CLSTN2: variants seen among roughly 807,000 people sequenced by gnomAD.
CLSTN2 encodes calsyntenin-2.
CLSTN2 carries 48 observed loss-of-function variants against 101.2 expected under a neutral mutation model. The observed-to-expected ratio is 0.47, with a 90% CI of 0.38 to 0.60. The LOEUF (loss-of-function observed/expected upper bound fraction) is 0.60. CLSTN2 is among the 20% of genes least tolerant of loss of function. The pLI, the probability that CLSTN2 is intolerant of heterozygous loss-of-function variation, is 0.00. For missense variants in CLSTN2, 1,160 were observed against 1,238.2 expected, an observed-to-expected ratio of 0.94 and a Z score of 0.95; for synonymous variants, 481 against 463.6, an observed-to-expected ratio of 1.04 and a Z score of -0.48.
At chr3:139,985,498 G>T (rs1002560719) in intron 1 of CLSTN2, among the ~76,000 whole-genome samples, 1 of 152,112 alleles carries the variant, frequency 6.6e-6, no homozygotes, top group Non-Finnish European at 1.5e-5. Context: ...CCTAGCTGGG[G>T]TGTCTATGGG....
In CLSTN2 at chr3:140,566,229, G is replaced by A. The variant is rs1388033949; in HGVS notation, c.2844G>A (p.Trp948Ter). The change falls in exon 17 of 17, where the codon TGG (tryptophan) becomes TGA (stop). Residue 948 changes from tryptophan (W) to a stop codon, truncating the protein, a stop_gained. Coordinates refer to ENST00000458420, the MANE Select transcript of CLSTN2 (RefSeq NM_022131.3). LOFTEE classifies it high-confidence loss of function. ...GAGCCAGGCAAGCCCAGCTGGAGTGGGATGACTCCACCCTCCCCTACTAGT... is the reference window on the plus strand; with the variant it reads ...GAGCCAGGCAAGCCCAGCTGGAGTGAGATGACTCCACCCTCCCCTACTAGT... ...QNGARQAQLEWDDSTLPY is the reference protein window; with the variant it reads ...QNGARQAQLE 4 of 1,578,960 alleles carry A rather than the reference G, an allele frequency of 2.5e-6. No individual in the cohort carries two copies. In the East Asian group the frequency reaches 9.2e-5, roughly 36 times the overall value.
chr3:140,218,030 A>G (rs1162202637), intron 2 of CLSTN2, among the ~76,000 whole-genome samples: 2 of 152,230 alleles, frequency 1.3e-5, no homozygotes, highest in Non-Finnish European at 2.9e-5. Context: ...ATGACCAGGC[A>G]TAGGACCCTG....
chr3:140,191,589 T>C (rs937819865), intron 2 of CLSTN2, among the ~76,000 whole-genome samples: 4 of 151,928 alleles, frequency 2.6e-5, no homozygotes, highest in African/African-American at 7.2e-5. Context: ...TACAGAGCTC[T>C]TCAATTCTCT....
chr3:140,191,828 G>A (rs1233525629), intron 2 of CLSTN2, among the ~76,000 whole-genome samples: 1 of 151,792 alleles, frequency 6.6e-6, no homozygotes, highest in Non-Finnish European at 1.5e-5. Context: ...CAAAGAAACA[G>A]CTTCTTATTT....
At chr3:140,228,701 C>G (rs1301437334) in intron 2 of CLSTN2, among the ~76,000 whole-genome samples, 1 of 152,156 alleles carries the variant, frequency 6.6e-6, no homozygotes, top group Admixed American at 6.6e-5. Context: ...CTGGGGGCCT[C>G]ACAATCATGG....
intron 10 of CLSTN2, among the ~76,000 whole-genome samples, chr3:140,547,430 C>T (rs895437574): frequency 1.3e-5 from 2 of 151,652 alleles, no homozygotes; most frequent in Admixed American, 1.3e-4. Context: ...GCTAAGATCG[C>T]ACCAATGCAC....
At chr3:140,402,255 T>A (rs1454875292) in intron 2 of CLSTN2, among the ~76,000 whole-genome samples, 2 of 152,188 alleles carry the variant, frequency 1.3e-5, no homozygotes, top group African/African-American at 2.4e-5. Context: ...AGGCAATCCA[T>A]GGAGTGGTTC....
intron 1 of CLSTN2, among the ~76,000 whole-genome samples, chr3:140,085,252 A>C (rs573934148): frequency 5.3e-5 from 8 of 152,328 alleles, no homozygotes; most frequent in Admixed American, 5.2e-4. Context: ...CACTGAAAGA[A>C]AGATGGTGGG....
intron 2 of CLSTN2, among the ~76,000 whole-genome samples, chr3:140,325,915 A>AGTCT (rs2087328124): frequency 6.6e-6 from 1 of 152,188 alleles, no homozygotes; most frequent in Non-Finnish European, 1.5e-5. Flanking sequence ...ACTGCTGGTG[A>AGTCT]GTCTACCCTT....
intron 16 of CLSTN2, among the ~76,000 whole-genome samples, chr3:140,564,665 C>A (rs1333585744): frequency 6.6e-6 from 1 of 152,220 alleles, no homozygotes; most frequent in Admixed American, 6.5e-5. Flanking sequence ...TACACCACCT[C>A]ATTTAATCTT....
intron 1 of CLSTN2, among the ~76,000 whole-genome samples, chr3:140,104,524 C>T (rs754131870): frequency 7.9e-5 from 12 of 152,178 alleles, no homozygotes; most frequent in Non-Finnish European, 1.3e-4. Context: ...GCTGACTGTA[C>T]AGCTATGGCA....
At chr3:140,327,667 C>A (rs901706153) in intron 2 of CLSTN2, among the ~76,000 whole-genome samples, 1 of 152,198 alleles carries the variant, frequency 6.6e-6, no homozygotes, top group Non-Finnish European at 1.5e-5. Flanking sequence ...GGCAAGTCAA[C>A]CATCATGAAC....
At chr3:140,323,932 T>C (rs1242107151) in intron 2 of CLSTN2, among the ~76,000 whole-genome samples, 1 of 152,182 alleles carries the variant, frequency 6.6e-6, no homozygotes, top group African/African-American at 2.4e-5. Context: ...GAATGTCATA[T>C]CCTCACCCAA....
intron 2 of CLSTN2, among the ~76,000 whole-genome samples, chr3:140,316,370 T>C (rs1271083325): frequency 6.6e-6 from 1 of 152,208 alleles, no homozygotes; most frequent in Admixed American, 6.5e-5. Flanking sequence ...ATGTATCTCA[T>C]AGAATCGTGA....
chr3:140,244,211 G>A (rs960294811), intron 2 of CLSTN2, among the ~76,000 whole-genome samples: 3 of 152,058 alleles, frequency 2.0e-5, no homozygotes, highest in Non-Finnish European at 4.4e-5. Context: ...GTGGCCCTCC[G>A]GGACTACACC....
intron 2 of CLSTN2, among the ~76,000 whole-genome samples, chr3:140,359,399 T>A (rs562893875): frequency 6.6e-6 from 1 of 152,306 alleles, no homozygotes; most frequent in African/African-American, 2.4e-5. Context: ...TTTAATTGAG[T>A]CAGCATAAAA....
chr3:140,146,563 T>C (rs1156538458), intron 1 of CLSTN2, among the ~76,000 whole-genome samples: 3 of 152,218 alleles, frequency 2.0e-5, no homozygotes, highest in African/African-American at 7.2e-5. Context: ...CAGAGGAAGC[T>C]CATCTTGGGT....
chr3:140,387,816 C>T (rs1211304965), intron 2 of CLSTN2, among the ~76,000 whole-genome samples: 1 of 152,166 alleles, frequency 6.6e-6, no homozygotes, highest in East Asian at 1.9e-4. Context: ...TCATAGTAGA[C>T]GTGGGCTACA....
intron 8 of CLSTN2, among the ~76,000 whole-genome samples, chr3:140,474,789 T>C (rs56144656): frequency 0.081 from 12,364 of 152,244 alleles, 653 homozygotes; most frequent in East Asian, 0.12. Context: ...TTTCCAAGGC[T>C]GCAGGAGTCT....
Sources: allele counts gnomAD v4.1 joint callset (sites outside exome capture counted in the v4.1 genomes callset), GRCh38; gene constraint gnomAD v4.1.1; transcripts MANE v1.5; gene names NCBI Gene and HGNC (gene_info 2026-07-23, HGNC 2026-07-21).